The following CMIP variants were observed in gnomAD, a reference collection of about 807,000 sequenced individuals.
CMIP encodes c-Maf inducing protein.
A neutral mutation model predicts 97.3 loss-of-function variants in CMIP; 13 were observed. The observed-to-expected ratio is 0.13, with a 90% CI of 0.09 to 0.21. CMIP has a LOEUF of 0.21. CMIP is among the 10% of genes least tolerant of loss of function. The pLI is 1.00. For synonymous variants in CMIP, 538 were observed against 436.3 expected, an observed-to-expected ratio of 1.23 and a Z score of -2.91; for missense variants, 847 against 1,024.9, an observed-to-expected ratio of 0.83 and a Z score of 2.37.
chr16:81,569,941 TAACTTTCA>T (rs906295524), intron 1 of CMIP, among the ~76,000 whole-genome samples: 22 of 128,378 alleles, frequency 1.7e-4, no homozygotes, highest in Non-Finnish European at 8.9e-5. Flanking sequence ...TGAGTGCACT[TAACTTTCA>T]TTCATTCATT....
chr16:81,622,253 G>A (rs2092002260), intron 3 of CMIP: 1 of 152,194 alleles, frequency 6.6e-6, no homozygotes, highest in African/African-American at 2.4e-5. Context: ...TGTATGTACT[G>A]GAAATTTCTG....
intron 13 of CMIP, among the ~76,000 whole-genome samples, chr16:81,694,532 A>C (rs1176832980): frequency 6.6e-6 from 1 of 152,204 alleles, no homozygotes; most frequent in Admixed American, 6.5e-5. Flanking sequence ...TGCCATGTCC[A>C]ACCATGGCAG....
At chr16:81,458,426 T>C (rs1446691931) in intron 1 of CMIP, among the ~76,000 whole-genome samples, 1 of 152,130 alleles carries the variant, frequency 6.6e-6, no homozygotes, top group Non-Finnish European at 1.5e-5. Flanking sequence ...GGGCACCCTC[T>C]CTGGGCCAGC....
chr16:81,704,929 G>A (rs1907957453), intron 18 of CMIP, among the ~76,000 whole-genome samples: 1 of 151,924 alleles, frequency 6.6e-6, no homozygotes. Flanking sequence ...ACGTGAGCCA[G>A]GCTTCGCTGG....
chr16:81,599,549 T>C (rs1160226162), intron 1 of CMIP, among the ~76,000 whole-genome samples: 2 of 152,350 alleles, frequency 1.3e-5, no homozygotes, highest in East Asian at 3.9e-4. Context: ...GTTCCAGCTG[T>C]GGCTTTGGCT....
intron 9 of CMIP, among the ~76,000 whole-genome samples, chr16:81,674,814 G>T (rs1345977416): frequency 6.6e-6 from 1 of 151,830 alleles, no homozygotes; most frequent in African/African-American, 2.4e-5. Context: ...TCGAACTCCT[G>T]ACCTCAGGTG....
At chr16:81,514,431 A>G (rs1270473073) in intron 1 of CMIP, among the ~76,000 whole-genome samples, 1 of 152,198 alleles carries the variant, frequency 6.6e-6, no homozygotes, top group East Asian at 1.9e-4. Context: ...GAGTGTGACG[A>G]GACCATCCAG....
At chr16:81,606,032 G>A (rs190394695) in intron 1 of CMIP, among the ~76,000 whole-genome samples, 247 of 152,318 alleles carry the variant, frequency 1.6e-3, no homozygotes, top group African/African-American at 5.6e-3. Context: ...CATAACTCTC[G>A]TTTGGCAGAC....
At chr16:81,477,544 C>T (rs1908003417) in intron 1 of CMIP, among the ~76,000 whole-genome samples, 1 of 152,244 alleles carries the variant, frequency 6.6e-6, no homozygotes, top group Admixed American at 6.5e-5. Flanking sequence ...AATGGCTGCC[C>T]TCCCTGTGTG....
At chr16:81,549,761 G>GGGC (rs1201604834) in intron 1 of CMIP, among the ~76,000 whole-genome samples, 1 of 152,238 alleles carries the variant, frequency 6.6e-6, no homozygotes, top group African/African-American at 2.4e-5. Flanking sequence ...TGCCCCAGCA[G>GGGC]GGCACAGGGT....
At chr16:81,543,530 G>A (rs539767891) in intron 1 of CMIP, among the ~76,000 whole-genome samples, 13 of 152,126 alleles carry the variant, frequency 8.5e-5, no homozygotes, top group Non-Finnish European at 4.4e-5. Flanking sequence ...TGAAAGGAAG[G>A]GGGGTCAGGG....
intron 1 of CMIP, among the ~76,000 whole-genome samples, chr16:81,481,455 G>A (rs185319919): frequency 3.3e-5 from 5 of 152,328 alleles, no homozygotes; most frequent in Admixed American, 6.5e-5. Context: ...AATTGAATGT[G>A]AGCTGATGGC....
At chr16:81,624,922 C>T (rs1054800082) in intron 3 of CMIP, among the ~76,000 whole-genome samples, 1 of 152,206 alleles carries the variant, frequency 6.6e-6, no homozygotes, top group South Asian at 2.1e-4. Context: ...TGTTCACACA[C>T]GGTTGTAGCT....
chr16:81,536,452 C>T (rs2090344665), intron 1 of CMIP, among the ~76,000 whole-genome samples: 1 of 152,162 alleles, frequency 6.6e-6, no homozygotes, highest in Admixed American at 6.5e-5. Flanking sequence ...TCTTATAGTT[C>T]ATCTTTTTAA....
In CMIP at chr16:81,678,570, G is replaced by A. The variant is rs763187062; in HGVS notation, c.1330G>A (p.Glu444Lys). The A allele has an allele frequency of 1.2e-5, 20 of 1,607,660 alleles. No individual in the cohort carries two copies. Among genetic ancestry groups the A allele is most frequent in the East Asian group, 2.2e-5 (1 of 44,810 alleles). Residue 444 changes from glutamate (E) to lysine (K), a missense_variant, in exon 10 of 21, where the codon GAG becomes AAG. Glu to Lys is a moderately conservative substitution (Grantham distance 56, BLOSUM62 1). This residue lies in a region of CMIP where 202 missense variants were observed against 168.7 expected (regional missense o/e 1.20). Transcript: ENST00000537098. ...CCCCGCCTGCAGCACCATGAGCATCGAGCTGGGCCCCCAGGCCGACCGCAC... is the reference window on the plus strand; with the variant it reads ...CCCCGCCTGCAGCACCATGAGCATCAAGCTGGGCCCCCAGGCCGACCGCAC... ...VSPACSTMSI[E>K]LGPQADRTLG...
At chr16:81,579,573 G>A (rs1419732158) in intron 1 of CMIP, among the ~76,000 whole-genome samples, 1 of 152,180 alleles carries the variant, frequency 6.6e-6, no homozygotes, top group Admixed American at 6.5e-5. Context: ...GATTGTCCCT[G>A]AACCATAGCA....
Position 81,537,008 on chromosome 16 carries a change from A to C in CMIP, c.301-70559A>C, listed in dbSNP as rs536922668. Among the ~76,000 whole-genome samples, 351 of 152,134 alleles carry C rather than the reference A, an allele frequency of 2.3e-3. 1 individual carries two copies. The highest frequency in any genetic ancestry group is 3.2e-3 in the Non-Finnish European group (219 of 67,978). On this transcript the variant is annotated intron_variant, in intron 1 of 20. Coordinates refer to ENST00000537098, the MANE Select transcript of CMIP (RefSeq NM_198390.3). ...ATGGTTTTGCCCGCTTGTGAACTCC[A>C]CATCTGTGCAGTTGTTTGGCATGTA...
chr16:81,598,166 G>C (rs1213453938), intron 1 of CMIP, among the ~76,000 whole-genome samples: 1 of 152,104 alleles, frequency 6.6e-6, no homozygotes, highest in Non-Finnish European at 1.5e-5. Flanking sequence ...GCACACGCTA[G>C]AGAAGTGGAG....
At chr16:81,477,229 C>T (rs1323841421) in intron 1 of CMIP, among the ~76,000 whole-genome samples, 1 of 151,666 alleles carries the variant, frequency 6.6e-6, no homozygotes, top group Non-Finnish European at 1.5e-5. Context: ...GGTCTCGGCT[C>T]ACTGCAACCT....
Sources: allele counts gnomAD v4.1 joint callset (sites outside exome capture counted in the v4.1 genomes callset), GRCh38; gene constraint gnomAD v4.1.1; regional missense constraint gnomAD v4.1.1; transcripts MANE v1.5; gene names NCBI Gene and HGNC (gene_info 2026-07-23, HGNC 2026-07-21).